The following DLC1 variants were observed in gnomAD, a reference collection of about 807,000 sequenced individuals.
The protein encoded by DLC1 is DLC1 Rho GTPase activating protein.
Under a neutral mutation model 140.3 loss-of-function variants are expected in DLC1, and 54 were observed. The ratio of observed to expected loss-of-function variants is 0.38; its 90% CI spans 0.31 to 0.48. The LOEUF (loss-of-function observed/expected upper bound fraction) is 0.48, where lower values mean the gene tolerates loss of function less well. Among genes scored for constraint, DLC1 ranks in the 20% least tolerant of loss-of-function variants. The pLI, the probability that DLC1 is intolerant of heterozygous loss-of-function variation, is 0.96. For missense variants in DLC1, 2,536 were observed against 1,907.0 expected (o/e 1.33, Z -6.14); for synonymous variants, 986 against 728.1 (o/e 1.35, Z -5.70).
intron 5 of DLC1, among the ~76,000 whole-genome samples, chr8:13,268,298 G>A (rs1375088790): frequency 3.9e-5 from 6 of 152,170 alleles, no homozygotes; most frequent in African/African-American, 1.4e-4. Context: ...AGTTCATTAA[G>A]GATGATGCAC....
At chr8:13,127,195 A>T (rs940256384) in intron 5 of DLC1, among the ~76,000 whole-genome samples, 10 of 152,238 alleles carry the variant, frequency 6.6e-5, no homozygotes, top group African/African-American at 2.4e-4. Context: ...CTAAATGAAC[A>T]CTAATGAATG....
intron 2 of DLC1, among the ~76,000 whole-genome samples, chr8:13,419,310 C>G (rs1838207320): frequency 6.6e-6 from 1 of 151,922 alleles, no homozygotes; most frequent in Non-Finnish European, 1.5e-5. Flanking sequence ...AAAGGGAATG[C>G]TTCCAGTTTT....
rs150183135 is a variant in DLC1, at chr8:13,261,004, G to A, written c.1348+44265C>T. On this transcript the variant is annotated intron_variant, in intron 5 of 17. Transcript: ENST00000276297. ...TGCCTTTTGGTTTATATACATGTCC[G>A]TTGATTAAGTCATTCAACAAAGACT... Among the ~76,000 whole-genome samples the A allele has an allele frequency of 1.5e-3, 234 of 152,264 alleles. 2 individuals are homozygous for A. The highest frequency in any genetic ancestry group is 0.01 in the Middle Eastern group (3 of 294).
chr8:13,280,580 T>A (rs910803241), intron 5 of DLC1, among the ~76,000 whole-genome samples: 3 of 152,210 alleles, frequency 2.0e-5, no homozygotes, highest in Non-Finnish European at 4.4e-5. Context: ...TTTATACATT[T>A]TATCTTACTG....
intron 2 of DLC1, among the ~76,000 whole-genome samples, chr8:13,406,963 G>C (rs1057106230): frequency 5.9e-5 from 9 of 152,170 alleles, no homozygotes; most frequent in African/African-American, 2.2e-4. Flanking sequence ...GTAGTGCTAA[G>C]AACAGAAACA....
At chr8:13,087,448 C>T (rs562619313) in intron 16 of DLC1, among the ~76,000 whole-genome samples, 1 of 152,348 alleles carries the variant, frequency 6.6e-6, no homozygotes, top group South Asian at 2.1e-4. Flanking sequence ...ACTACTTGAT[C>T]TTGAACTTCC....
intron 1 of DLC1, among the ~76,000 whole-genome samples, chr8:13,572,739 C>A (rs138712845): frequency 6.6e-6 from 1 of 152,074 alleles, no homozygotes. Context: ...AGATTCTGTT[C>A]TTTCCCCCAT....
chr8:13,099,068 T>TTTTTTTTTTTTTTTTTTTTGAGACGG (rs1554570957), intron 9 of DLC1, among the ~76,000 whole-genome samples: 1 of 151,852 alleles, frequency 6.6e-6, no homozygotes, highest in Non-Finnish European at 1.5e-5. Flanking sequence ...TCACCATTTT[T>TTTTTTTTTTTTTTTTTTTTGAGACGG]AAATGTGCAG....
At chr8:13,459,628 C>G (rs945347221) in intron 2 of DLC1, among the ~76,000 whole-genome samples, 2 of 152,152 alleles carry the variant, frequency 1.3e-5, no homozygotes, top group Non-Finnish European at 2.9e-5. Context: ...ACCCCCAGTT[C>G]TGCCACTCCA....
At chr8:13,322,655 C>A (rs1022407743) in intron 4 of DLC1, among the ~76,000 whole-genome samples, 6 of 152,096 alleles carry the variant, frequency 3.9e-5, no homozygotes, top group Non-Finnish European at 8.8e-5. Context: ...TTAATCTGTG[C>A]TGAAATATGC....
At chr8:13,252,761 A>G (rs901665132) in intron 5 of DLC1, among the ~76,000 whole-genome samples, 66 of 152,316 alleles carry the variant, frequency 4.3e-4, no homozygotes, top group African/African-American at 1.6e-3. Flanking sequence ...GATTTACGTC[A>G]TGCTCCAAAG....
chr8:13,229,911 G>A (rs186872368), intron 5 of DLC1, among the ~76,000 whole-genome samples: 6 of 152,340 alleles, frequency 3.9e-5, no homozygotes, highest in Admixed American at 2.0e-4. Context: ...TTAGTCCCAT[G>A]TGGACCAAAG....
At position 13,375,860 on chromosome 8, in the gene DLC1, G is replaced by A. The variant is rs960509680; in HGVS notation, c.1314+17693C>T. On this transcript the variant is annotated intron_variant, in intron 4 of 17. Coordinates refer to ENST00000276297, the MANE Select transcript of DLC1 (RefSeq NM_182643.3). ...GGAGTAATATTTGGCAGAGTATTACGCTTTTGTTAAAAGAATACAGGAGGA... is the reference window on the plus strand; with the variant it reads ...GGAGTAATATTTGGCAGAGTATTACACTTTTGTTAAAAGAATACAGGAGGA... Among the ~76,000 whole-genome samples, 10 of 152,060 alleles carry A rather than the reference G, an allele frequency of 6.6e-5. No individual in the cohort carries two copies. The East Asian group carries it at 9.6e-4, about 15-fold the overall frequency.
chr8:13,569,548 C>A (rs1322593685), intron 1 of DLC1, among the ~76,000 whole-genome samples: 3 of 152,160 alleles, frequency 2.0e-5, no homozygotes, highest in Non-Finnish European at 1.5e-5. Flanking sequence ...CTTTAGAATT[C>A]CCCCATTAAA....
At chr8:13,314,635 C>G (rs1832795313) in intron 4 of DLC1, among the ~76,000 whole-genome samples, 1 of 152,164 alleles carries the variant, frequency 6.6e-6, no homozygotes, top group South Asian at 2.1e-4. Flanking sequence ...TGCTGATATT[C>G]TCACCATTTC....
chr8:13,406,181 G>GTTTTTTTTTTTGTT (rs1554514491), intron 2 of DLC1, among the ~76,000 whole-genome samples: 2 of 84,960 alleles, frequency 2.4e-5, no homozygotes, highest in African/African-American at 9.5e-5. Flanking sequence ...TAATTTTTGT[G>GTTTTTTTTTTTGTT]TTTTTTTTTT....
At chr8:13,316,954 T>C (rs1386012933) in intron 4 of DLC1, among the ~76,000 whole-genome samples, 1 of 152,174 alleles carries the variant, frequency 6.6e-6, no homozygotes, top group Admixed American at 6.5e-5. Context: ...TTTTCTTCTA[T>C]GAATGAGCAT....
intron 1 of DLC1, among the ~76,000 whole-genome samples, chr8:13,597,943 G>C (rs1805736875): frequency 6.6e-6 from 1 of 152,050 alleles, no homozygotes; most frequent in Non-Finnish European, 1.5e-5. Context: ...ATGGGATGCA[G>C]ATGTGAATAA....
chr8:13,500,383 T>A (rs1585211312), intron 1 of DLC1, among the ~76,000 whole-genome samples, 187 bp from the exon 2 acceptor site: 1 of 152,196 alleles, frequency 6.6e-6, no homozygotes, highest in Non-Finnish European at 1.5e-5. Flanking sequence ...ACATTGAATA[T>A]TTCTGATAAA....
Sources: allele counts gnomAD v4.1 joint callset (sites outside exome capture counted in the v4.1 genomes callset), GRCh38; gene constraint gnomAD v4.1.1; transcripts MANE v1.5; gene names NCBI Gene and HGNC (gene_info 2026-07-23, HGNC 2026-07-21).